The following CCNT2 variants were observed in gnomAD, a reference collection of about 807,000 sequenced individuals.
CCNT2 encodes cyclin T2.
In CCNT2, 18 loss-of-function variants were observed where a neutral mutation model predicts 70.0. The ratio of observed to expected loss-of-function variants is 0.26; its 90% CI spans 0.18 to 0.38. The LOEUF (loss-of-function observed/expected upper bound fraction) is 0.38, where lower values mean the gene tolerates loss of function less well. Among genes scored for constraint, CCNT2 ranks in the 10% least tolerant of loss-of-function variants. The pLI is 1.00. For synonymous variants in CCNT2, 334 were observed against 313.3 expected (o/e 1.07, Z -0.70); for missense variants, 734 against 890.2 (o/e 0.82, Z 2.23).
intron 7 of CCNT2, among the ~76,000 whole-genome samples, chr2:134,950,893 A>G (rs1369997111): frequency 6.6e-6 from 1 of 152,222 alleles, no homozygotes. Flanking sequence ...ACAGTAGGAT[A>G]CTTAAGAAAA....
At chr2:134,923,228 C>T (rs553250414) in intron 2 of CCNT2, among the ~76,000 whole-genome samples, 98 of 152,054 alleles carry the variant, frequency 6.4e-4, no homozygotes, top group Non-Finnish European at 1.2e-3. Context: ...TTGCAGTGAG[C>T]CGAGATCACA....
chr2:134,954,895 G>T lies in CCNT2; in HGVS notation c.*247G>T. On this transcript the variant is annotated 3_prime_UTR_variant, in exon 9 of 9. Transcript: ENST00000264157. ...TGCAAAACTCAGTATTTCTACAATT[G>T]CAGCTAAGAACATTAGGATGAATGG... is the stretch of plus-strand genomic sequence containing the variant. 1 of 404,336 alleles carries T rather than the reference G, an allele frequency of 2.5e-6. No homozygotes were observed. The highest frequency in any genetic ancestry group is 4.4e-6 in the Non-Finnish European group (1 of 225,348). 25.0% of individuals were successfully genotyped at this position (404,336 alleles called of 1,614,324 possible).
chr2:134,946,595 A>G (rs1681986262), intron 6 of CCNT2: 1 of 194,950 alleles, frequency 5.1e-6, no homozygotes, highest in Non-Finnish European at 9.3e-6. Flanking sequence ...TGTAATTTGA[A>G]ATTTTTTTTC....
chr2:134,942,699 G>A (rs1559105130), intron 5 of CCNT2, 25 bp downstream of exon 5: 5 of 1,586,106 alleles, frequency 3.2e-6, no homozygotes, highest in East Asian at 2.2e-5. Context: ...AAACTTTTAA[G>A]ATAAGTATTA....
intron 5 of CCNT2, 156 bp downstream of exon 5, chr2:134,942,830 CT>C: frequency 1.4e-6 from 2 of 1,381,602 alleles, no homozygotes; most frequent in South Asian, 1.7e-5. Flanking sequence ...TGTTCTACAT[CT>C]ACTTCTATTT....
In CCNT2 at chr2:134,957,231, C is replaced by G. The variant is rs1439045304; in HGVS notation, c.*2583C>G. 1.3e-5 allele frequency: 2 copies of G among 152,148 alleles called. No individual in the cohort carries two copies. Among genetic ancestry groups the G allele is most frequent in the African/African-American group, 4.8e-5 (2 of 41,436 alleles). 9.4% of individuals were successfully genotyped at this position (152,148 alleles called of 1,614,324 possible). Reference sequence around the variant, plus strand: ...CATTAGGCTCTACCAAAGAAAGACTCTGATGAGTGGACATTATTACTGTGA... The same window carrying G: ...CATTAGGCTCTACCAAAGAAAGACTGTGATGAGTGGACATTATTACTGTGA... On this transcript the variant is annotated 3_prime_UTR_variant, in exon 9 of 9. Transcript: ENST00000264157.
chr2:134,936,782 T>A, intron 2 of CCNT2, 59 bp from the exon 3 acceptor site: 1 of 1,474,022 alleles, frequency 6.8e-7, no homozygotes, highest in Non-Finnish European at 9.2e-7. Context: ...GAAAAGAAAA[T>A]AGAGGGTTTT....
intron 7 of CCNT2, among the ~76,000 whole-genome samples, chr2:134,951,047 T>G (rs961597846): frequency 4.6e-5 from 7 of 152,082 alleles, no homozygotes; most frequent in African/African-American, 9.7e-5. Context: ...CTTTTTTTTT[T>G]TCTTTTTTTT....
At chr2:134,952,827 C>T (rs1407483793) in intron 8 of CCNT2, 116 bp downstream of exon 8, 13 of 737,550 alleles carry the variant, frequency 1.8e-5, no homozygotes, top group African/African-American at 1.4e-4. Context: ...AATAATTCAA[C>T]GTATCTCAAG....
chr2:134,937,038 A>G lies in CCNT2; in HGVS notation c.369+69A>G, dbSNP rs554372394. The stretch of plus-strand genomic sequence containing the variant: ...ACTTTTTCATAATGTAGGCCTAACA[A>G]AAATACACAGTTCAATTAGTGGTGC... On this transcript the variant is annotated intron_variant, in intron 3 of 8. Transcript: ENST00000264157. 3.6e-5 allele frequency: 40 copies of G among 1,120,736 alleles called. 1 individual carries two copies. The South Asian group carries it at 5.0e-4, about 14-fold the overall frequency. The allele number at this position is 1,120,736 out of a possible 1,614,324, so 69.4% of individuals were successfully genotyped here.
chr2:134,934,782 G>C (rs544832054), intron 2 of CCNT2, among the ~76,000 whole-genome samples: 219 of 152,290 alleles, frequency 1.4e-3, no homozygotes, highest in Non-Finnish European at 2.7e-3. Flanking sequence ...AGAAATTCTG[G>C]ATCATCTGAC....
intron 2 of CCNT2, among the ~76,000 whole-genome samples, chr2:134,924,292 T>G (rs1680119662): frequency 1.3e-5 from 2 of 152,192 alleles, no homozygotes; most frequent in South Asian, 4.1e-4. Context: ...TTTTTAATTG[T>G]AAAATATATA....
chr2:134,921,119 T>G (rs1679866804), intron 2 of CCNT2, among the ~76,000 whole-genome samples: 1 of 152,188 alleles, frequency 6.6e-6, no homozygotes, highest in South Asian at 2.1e-4. Context: ...GTGATAACAT[T>G]TAGATTAAGG....
chr2:134,946,369 T>G, intron 6 of CCNT2: 1 of 1,260,226 alleles, frequency 7.9e-7, no homozygotes, highest in East Asian at 2.8e-5. Context: ...TGATGACATA[T>G]TCTCGATTTG....
At chr2:134,951,324 ATAT>A (rs1278849372) in intron 7 of CCNT2, among the ~76,000 whole-genome samples, 1 of 152,152 alleles carries the variant, frequency 6.6e-6, no homozygotes, top group Non-Finnish European at 1.5e-5. Flanking sequence ...GGCATTATTA[ATAT>A]TATATAATAT....
chr2:134,924,739 T>G (rs777055331), intron 2 of CCNT2, among the ~76,000 whole-genome samples: 2 of 152,102 alleles, frequency 1.3e-5, no homozygotes, highest in Non-Finnish European at 1.5e-5. Context: ...GTTAGCCACC[T>G]CGCCCGGCCC....
chr2:134,953,891 C>T lies in CCNT2; in HGVS notation c.1436C>T (p.Thr479Ile). The change falls in exon 9 of 9, where the codon ACT (threonine) becomes ATT (isoleucine). Residue 479 changes from threonine (T) to isoleucine (I), a missense_variant. Around this residue, in one of 3 missense-constraint regions of CCNT2, gnomAD observed 532 missense variants for 556.9 expected, o/e 0.96. Coordinates refer to ENST00000264157, the MANE Select transcript of CCNT2 (RefSeq NM_058241.3). ...CAGGCAGCCAGCAGCAGTTCTGTTACTTCTCCCATTAAAATGAAAATACCT... is the reference window on the plus strand; with the variant it reads ...CAGGCAGCCAGCAGCAGTTCTGTTATTTCTCCCATTAAAATGAAAATACCT... ...QSQAASSSSV[T>I]SPIKMKIPIA... 1.9e-6 allele frequency: 3 copies of T among 1,613,950 alleles called. No homozygotes were observed. Among genetic ancestry groups the T allele is most frequent in the Admixed American group, 1.7e-5 (1 of 59,966 alleles).
In CCNT2 at chr2:134,936,979, T is replaced by TA. The variant is rs1191961524; in HGVS notation, c.369+11dup. ...GGATACTAAATGTGATGTATGTAAA[T>TA]ACTGGGTTTTTTATTTTTCTTTGTA... On this transcript the variant is annotated intron_variant, in intron 3 of 8. Transcript: ENST00000264157. 3 of 1,580,828 alleles carry TA rather than the reference T, an allele frequency of 1.9e-6. No homozygotes were observed. In the Admixed American group the frequency reaches 5.5e-5, roughly 29 times the overall value.
intron 2 of CCNT2, among the ~76,000 whole-genome samples, chr2:134,927,993 A>G (rs918277049): frequency 6.6e-6 from 1 of 152,240 alleles, no homozygotes; most frequent in South Asian, 2.1e-4. Context: ...ATGGATGAGA[A>G]CTGTAGAAGT....
Sources: allele counts gnomAD v4.1 joint callset (sites outside exome capture counted in the v4.1 genomes callset), GRCh38; gene constraint gnomAD v4.1.1; regional missense constraint gnomAD v4.1.1; transcripts MANE v1.5; gene names NCBI Gene and HGNC (gene_info 2026-07-23, HGNC 2026-07-21).